Variants in COL20A1 observed in about 807,000 individuals in gnomAD.
The protein encoded by COL20A1 is collagen type XX alpha 1 chain.
COL20A1 carries 164 observed loss-of-function variants against 152.9 expected under a neutral mutation model. That is an observed-to-expected ratio of 1.07 (90% confidence interval 0.94 to 1.22). The LOEUF is 1.22. COL20A1 is among the 50% of genes most tolerant of loss of function. COL20A1 has a pLI of 0.00. For missense variants in COL20A1, 1,873 were observed against 1,744.8 expected (o/e 1.07, Z -1.31); for synonymous variants, 864 against 756.0 (o/e 1.14, Z -2.34).
chr20:63,329,488 T>C, intron 34 of COL20A1, 97 bp from the exon 35 acceptor site: 1 of 905,684 alleles, frequency 1.1e-6, no homozygotes, highest in Non-Finnish European at 1.7e-6. Flanking sequence ...CTGCTGCCTG[T>C]GCCCAGGGAG....
chr20:63,319,351 G>A lies in COL20A1; in HGVS notation c.2807-136G>A, dbSNP rs2068126861. 4 of 1,091,724 alleles carry A rather than the reference G, an allele frequency of 3.7e-6. No homozygotes were observed. The highest frequency in any genetic ancestry group is 1.6e-5 in the African/African-American group (1 of 63,684). 67.6% of individuals were successfully genotyped at this position (1,091,724 alleles called of 1,614,324 possible). A position where few individuals can be genotyped will look rare whatever the true frequency, so the allele number is the denominator to read the frequency against. Reference sequence around the variant, plus strand: ...AGGCAGGTGTCCCGGGCAGGGGGCTGTGGGCCACATTGAGGGTCACCTCCA... The same window carrying A: ...AGGCAGGTGTCCCGGGCAGGGGGCTATGGGCCACATTGAGGGTCACCTCCA... On this transcript the variant is annotated intron_variant, in intron 22 of 35. Transcript: ENST00000358894. This position sits in a 1 kb window ranked among gnomAD's most constrained non-coding sequence, Gnocchi z 4.4.
At chr20:63,325,412 TC>T in intron 27 of COL20A1, 28 bp from the exon 28 acceptor site, 1 of 1,581,018 alleles carries the variant, frequency 6.3e-7, no homozygotes, top group Non-Finnish European at 8.7e-7. Flanking sequence ...CCCCTCCGCT[TC>T]GCTGTCCAGC....
chr20:63,293,766 C>T (rs530895461), intron 1 of COL20A1, among the ~76,000 whole-genome samples: 182 of 151,762 alleles, frequency 1.2e-3, no homozygotes, highest in African/African-American at 4.2e-3. Context: ...GCCGGCCGGG[C>T]GGGCATGAAA....
intron 8 of COL20A1, 131 bp downstream of exon 8, chr20:63,308,837 C>T: frequency 1.2e-6 from 1 of 847,922 alleles, no homozygotes; most frequent in Non-Finnish European, 1.8e-6. Flanking sequence ...GAGCTGCACG[C>T]AGAGCCAGGC....
chr20:63,320,056 C>T lies in COL20A1; in HGVS notation c.2934C>T (p.Gly978=). ...TCTCACAGGTGCACGTGGCTGTGGG[C>T]CGCTCCAAGGTCAGGCTCTATGTGG... is the stretch of plus-strand genomic sequence containing the variant. The part of the protein sequence containing the change: ...GSFHKVHVAV[G]RSKVRLYVDC... Residue 978 remains glycine (G), a synonymous_variant, in exon 24 of 36, where the codon GGC becomes GGT. Transcript: ENST00000358894. 1 of 1,554,590 alleles carries T rather than the reference C, an allele frequency of 6.4e-7. No individual in the cohort carries two copies. The highest frequency in any genetic ancestry group is 8.7e-7 in the Non-Finnish European group (1 of 1,149,884).
In COL20A1 at chr20:63,325,448, C is replaced by T. The variant is rs1157717466; in HGVS notation, c.3302C>T (p.Pro1101Leu). Residue 1101 changes from proline to leucine, a missense_variant, in exon 28 of 36, where the codon CCA (proline) becomes CTA (leucine). Coordinates refer to ENST00000358894, the MANE Select transcript of COL20A1 (RefSeq NM_020882.4). ...CCCATCTTCCCCCTCCAGGGTCCACCAGGGGTCAAAGGAGAGAAGGGAGAC... is the reference window on the plus strand; with the variant it reads ...CCCATCTTCCCCCTCCAGGGTCCACTAGGGGTCAAAGGAGAGAAGGGAGAC... ...EQGFPGPRGP[P>L]GVKGEKGDHG... 1 of 1,612,496 alleles carries T rather than the reference C, an allele frequency of 6.2e-7. No individual in the cohort carries two copies. Among genetic ancestry groups the T allele is most frequent in the South Asian group, 1.1e-5 (1 of 91,006 alleles).
chr20:63,307,359 TG>T, intron 5 of COL20A1, 130 bp from the exon 6 acceptor site: 1 of 818,260 alleles, frequency 1.2e-6, no homozygotes, highest in Non-Finnish European at 1.9e-6. Flanking sequence ...CTGAGGGCCT[TG>T]GAGTCCTTTC....
chr20:63,322,304 C>T (rs2068175567), intron 27 of COL20A1, among the ~76,000 whole-genome samples, 193 bp downstream of exon 27: 2 of 152,134 alleles, frequency 1.3e-5, no homozygotes, highest in Admixed American at 1.3e-4. Flanking sequence ...CTGGCCTCCC[C>T]CATGTGCCTG....
rs895908421 is a variant in COL20A1, at chr20:63,312,846, T to C, written c.1988T>C (p.Val663Ala). Residue 663 changes from valine to alanine, a missense_variant, in exon 16 of 36, where the codon GTC becomes GCC. Val to Ala is a moderately conservative substitution (Grantham distance 64). Transcript: ENST00000358894. ...LSMTELPGDA[V>A]QLAWVAAAPS... The stretch of plus-strand genomic sequence containing the variant: ...ATGACGGAGCTGCCAGGGGATGCAG[T>C]CCAGCTGGCGTGGGTGGCCGCAGCC... The C allele has an allele frequency of 2.8e-5, 44 of 1,559,258 alleles. No homozygotes were observed. The Middle Eastern group carries it at 1.0e-3, about 35-fold the overall frequency.
rs2123420637 is a variant in COL20A1, at chr20:63,319,238, G to A, written c.2806+38G>A. 6.3e-7 allele frequency: 1 copy of A among 1,597,386 alleles called. No individual in the cohort carries two copies. The highest frequency in any genetic ancestry group is 8.5e-7 in the Non-Finnish European group (1 of 1,171,782). On this transcript the variant is annotated intron_variant, in intron 22 of 35. Coordinates refer to ENST00000358894, the MANE Select transcript of COL20A1 (RefSeq NM_020882.4). This position sits in a 1 kb window ranked among gnomAD's most constrained non-coding sequence, Gnocchi z 4.4. ...CCGCGTCGCCCCCAGCAGTCAGGAG[G>A]AGTAGGGGCAGGGAGGCCCCAGAGC...
chr20:63,327,775 G>C, intron 31 of COL20A1, 177 bp from the exon 32 acceptor site: 1 of 635,426 alleles, frequency 1.6e-6, no homozygotes, highest in South Asian at 1.9e-5. Flanking sequence ...GCCTGCTCTC[G>C]GGTGCAGGCG....
At chr20:63,330,021 G>T (rs1316109908) in intron 35 of COL20A1, among the ~76,000 whole-genome samples, 1 of 152,120 alleles carries the variant, frequency 6.6e-6, no homozygotes, top group African/African-American at 2.4e-5. Context: ...TGGAGCTCAG[G>T]TGTTTGCTCA....
At chr20:63,325,814 G>A (rs556635802) in intron 29 of COL20A1, 93 bp downstream of exon 29, 2 of 1,178,000 alleles carry the variant, frequency 1.7e-6, no homozygotes, top group Non-Finnish European at 1.2e-6. Flanking sequence ...GGGTAGGGAG[G>A]GGGAGGTGCT....
intron 2 of COL20A1, among the ~76,000 whole-genome samples, chr20:63,297,477 G>A (rs968777317): frequency 6.6e-6 from 1 of 152,154 alleles, no homozygotes; most frequent in African/African-American, 2.4e-5. Context: ...CCCAGCTCAG[G>A]GGACTCAGCT....
chr20:63,305,626 G>C lies in COL20A1; in HGVS notation c.337+66G>C. ...GCCGGGTCCCACCCTCCTCTGGGCT[G>C]GGGTCCCACCCTCCTCCAGGCTGCG... is the stretch of plus-strand genomic sequence containing the variant. On this transcript the variant is annotated intron_variant, in intron 4 of 35. Transcript: ENST00000358894. The surrounding 1 kb of genome is among the most constrained non-coding windows in gnomAD (Gnocchi z 4.9). 2.0e-6 allele frequency: 3 copies of C among 1,496,392 alleles called. No homozygotes were observed. Among genetic ancestry groups the C allele is most frequent in the Non-Finnish European group, 2.7e-6 (3 of 1,116,956 alleles). The allele number at this position is 1,496,392 out of a possible 1,614,324, so 92.7% of individuals were successfully genotyped here.
intron 35 of COL20A1, among the ~76,000 whole-genome samples, chr20:63,330,083 C>A (rs2068312415): frequency 6.6e-6 from 1 of 151,982 alleles, no homozygotes; most frequent in African/African-American, 2.4e-5. Context: ...CAGGAGGGGC[C>A]TGTGAGGCCC....
At position 63,305,317 on chromosome 20, in the gene COL20A1, T is replaced by C; in HGVS notation, c.194-100T>C. ...TCTCTCTGGCTTCAAGGGGAGCAGC[T>C]GGGGTGGGGAGGAGGAGCCAAGAGG... On this transcript the variant is annotated intron_variant, in intron 3 of 35. Coordinates refer to ENST00000358894, the MANE Select transcript of COL20A1 (RefSeq NM_020882.4). This position sits in a 1 kb window ranked among gnomAD's most constrained non-coding sequence, Gnocchi z 4.9. 3.1e-6 allele frequency: 3 copies of C among 969,128 alleles called. No homozygotes were observed. The highest frequency in any genetic ancestry group is 4.7e-5 in the South Asian group (2 of 42,520). The allele number at this position is 969,128 out of a possible 1,614,324, so 60.0% of individuals were successfully genotyped here.
chr20:63,327,872 A>G, intron 31 of COL20A1, 80 bp from the exon 32 acceptor site: 2 of 1,408,314 alleles, frequency 1.4e-6, no homozygotes, highest in East Asian at 2.5e-5. Context: ...GTGAGGATCC[A>G]CCTCAGGGCC....
rs6089881 is a variant in COL20A1, at chr20:63,320,137, G to C, written c.3015G>C (p.Ala1005=). 1,516,627 of 1,549,026 alleles carry C rather than the reference G, an allele frequency of 0.98. 746,758 individuals are homozygous for C. Among genetic ancestry groups the C allele is most frequent in the East Asian group, 1 (41,010 of 41,042 alleles). Residue 1005 remains alanine, a synonymous_variant, in exon 24 of 36, where the codon GCG becomes GCC. Transcript: ENST00000358894. ...GGGAGATGGGCAGCCCACCCGCTGC[G>C]GGCTTCGTCACGCTGGGGAGGCTGG... is the stretch of plus-strand genomic sequence containing the variant. ...PLGEMGSPPA[A]GFVTLGRLAK...
Sources: allele counts gnomAD v4.1 joint callset (sites outside exome capture counted in the v4.1 genomes callset), GRCh38; gene constraint gnomAD v4.1.1; non-coding constraint Gnocchi (gnomAD v3.1); transcripts MANE v1.5; gene names NCBI Gene and HGNC (gene_info 2026-07-23, HGNC 2026-07-21).